The following SPATA21 variants were observed in gnomAD, a reference collection of about 807,000 sequenced individuals.
SPATA21 encodes the protein spermatogenesis-associated protein 21.
In SPATA21, 47 loss-of-function variants were observed where a neutral mutation model predicts 54.8. The ratio of observed to expected loss-of-function variants is 0.86; its 90% CI spans 0.68 to 1.09. SPATA21 has a LOEUF of 1.09. Among genes scored for constraint, SPATA21 ranks in the 50% least tolerant of loss-of-function variants. SPATA21 has a pLI of 0.00. For missense variants in SPATA21, 599 were observed against 596.4 expected, an observed-to-expected ratio of 1.00 and a Z score of -0.05; for synonymous variants, 245 against 235.3, an observed-to-expected ratio of 1.04 and a Z score of -0.38.
intron 3 of SPATA21, chr1:16,425,479 G>A (rs965506889): frequency 5.2e-6 from 8 of 1,536,692 alleles, no homozygotes; most frequent in Non-Finnish European, 7.0e-6. Context: ...CACCTCCTCT[G>A]TGGTAGGTCA....
intron 3 of SPATA21, chr1:16,425,181 G>T: frequency 2.1e-6 from 1 of 483,006 alleles, no homozygotes. Context: ...GAAGTGCTGG[G>T]ATTAACAGGC....
chr1:16,418,573 T>C (rs1488210451), intron 5 of SPATA21, among the ~76,000 whole-genome samples: 2 of 148,832 alleles, frequency 1.3e-5, no homozygotes, highest in African/African-American at 2.5e-5. Flanking sequence ...TACCCTCTCT[T>C]TTTTTTTTTT....
In SPATA21 at chr1:16,400,792, G is replaced by GC. The variant is rs2085421441; in HGVS notation, c.1101dup (p.Gln368AlafsTer51). On this transcript the variant is annotated frameshift_variant, in exon 11 of 13. Coordinates refer to ENST00000335496, the MANE Select transcript of SPATA21 (RefSeq NM_198546.1). LOFTEE classifies it high-confidence loss of function. ...TCTGGAACTTCTGAGCTCTCTTCTT[G>GC]CTGGGGGTTGTAGGGAAGCTTCTGC... 1.9e-6 allele frequency: 3 copies of GC among 1,612,402 alleles called. No homozygotes were observed. The East Asian group carries it at 6.7e-5, about 36-fold the overall frequency.
chr1:16,424,661 A>G (rs1285089056), intron 3 of SPATA21, among the ~76,000 whole-genome samples: 5 of 151,438 alleles, frequency 3.3e-5, no homozygotes, highest in African/African-American at 1.2e-4. Flanking sequence ...CAATCCTCCC[A>G]CCTCAGCCTC....
At chr1:16,415,550 C>CTAT (rs199579596) in intron 5 of SPATA21, among the ~76,000 whole-genome samples, 1,542 of 151,864 alleles carry the variant, frequency 0.01, 18 homozygotes, top group African/African-American at 0.033. Context: ...AGAATGTCTC[C>CTAT]TATTATTATT....
intron 1 of SPATA21, 139 bp from the exon 2 acceptor site, chr1:16,433,063 C>T (rs2086499176): frequency 6.6e-6 from 1 of 152,262 alleles, no homozygotes; most frequent in Admixed American, 6.5e-5. Context: ...ATTTTGCCTA[C>T]AAAGAAGCTT....
intron 10 of SPATA21, among the ~76,000 whole-genome samples, chr1:16,403,483 C>CTTTTCTTTTTT (rs2085517568): frequency 8.5e-6 from 1 of 117,118 alleles, no homozygotes; most frequent in Non-Finnish European, 1.9e-5. Context: ...TAGTTTTTTT[C>CTTTTCTTTTTT]TTTTTTTTCT....
At position 16,420,938 on chromosome 1, in the gene SPATA21, A is replaced by G. The variant is rs939302970; in HGVS notation, c.144+571T>C. On this transcript the variant is annotated intron_variant, in intron 5 of 12. Transcript: ENST00000335496. ...CATCAATAAGACAGGATGTTCTCCA[A>G]CCGCATTAAGCTGCTCAACATGGGT... is the stretch of plus-strand genomic sequence containing the variant. Among the ~76,000 whole-genome samples the G allele has an allele frequency of 2.6e-5, 4 of 152,196 alleles. No individual in the cohort carries two copies. The East Asian group carries it at 5.8e-4, about 22-fold the overall frequency.
chr1:16,408,453 A>G, intron 7 of SPATA21: 1 of 985,444 alleles, frequency 1.0e-6, no homozygotes, highest in Non-Finnish European at 1.2e-6. Context: ...GAAGAGGACC[A>G]ATAGAGCAGG....
At chr1:16,397,880 A>T (rs948626911), downstream of SPATA21, 1 of 408,232 alleles carries the variant, frequency 2.4e-6, no homozygotes, top group South Asian at 1.0e-4. The surrounding 1 kb of genome is among the most constrained non-coding windows in gnomAD (Gnocchi z 5.4). Context: ...ATGGGCTGGC[A>T]GGGCTGTACC....
At chr1:16,414,111 G>A (rs1353562846) in intron 5 of SPATA21, among the ~76,000 whole-genome samples, 1 of 151,924 alleles carries the variant, frequency 6.6e-6, no homozygotes, top group Non-Finnish European at 1.5e-5. Flanking sequence ...TGTTGCCCAG[G>A]CTGGAGTGCA....
upstream of SPATA21, among the ~76,000 whole-genome samples, chr1:16,437,718 G>GTGC (rs2086615685): frequency 6.6e-6 from 1 of 152,144 alleles, no homozygotes; most frequent in South Asian, 2.1e-4. Context: ...CATAGGGTAT[G>GTGC]TGCTCGATGC....
rs2085430918 is a variant in SPATA21 at position 16,401,001 on chromosome 1, A to C, written c.1002-109T>G. On this transcript the variant is annotated intron_variant, in intron 10 of 12. Transcript: ENST00000335496. ...TCTGGAGCAGGAACACAAGCCTAGGAGTCAGGAAACCTGGCTTCTAGTCTC... is the reference window on the plus strand; with the variant it reads ...TCTGGAGCAGGAACACAAGCCTAGGCGTCAGGAAACCTGGCTTCTAGTCTC... 4 of 1,364,574 alleles carry C rather than the reference A, an allele frequency of 2.9e-6. No individual in the cohort carries two copies. The Admixed American group carries it at 7.1e-5, about 24-fold the overall frequency. 84.5% of individuals were successfully genotyped at this position (1,364,574 alleles called of 1,614,324 possible).
At chr1:16,402,853 G>A (rs536296918) in intron 10 of SPATA21, among the ~76,000 whole-genome samples, 30 of 152,330 alleles carry the variant, frequency 2.0e-4, no homozygotes, top group African/African-American at 7.0e-4. Flanking sequence ...TTGAGCCCAG[G>A]AGGTCAAGGC....
intron 8 of SPATA21, 97 bp downstream of exon 8, chr1:16,404,870 G>T: frequency 7.5e-7 from 1 of 1,335,768 alleles, no homozygotes; most frequent in Non-Finnish European, 9.9e-7. Context: ...ACCAAGCACA[G>T]GATCCTTTAG....
At chr1:16,398,451 G>C (rs187782711), downstream of SPATA21, among the ~76,000 whole-genome samples, 1 of 152,178 alleles carries the variant, frequency 6.6e-6, no homozygotes, top group Admixed American at 6.5e-5. Flanking sequence ...GTCCAGAGGG[G>C]GATGTGCTCA....
At chr1:16,414,039 C>T (rs534045542) in intron 5 of SPATA21, among the ~76,000 whole-genome samples, 10 of 151,942 alleles carry the variant, frequency 6.6e-5, no homozygotes, top group Non-Finnish European at 1.2e-4. Flanking sequence ...TTATAGCAGT[C>T]GTCCTGATGA....
In SPATA21 at chr1:16,409,804, A is replaced by AG; in HGVS notation, c.383dup (p.Gln129SerfsTer103). The AG allele has an allele frequency of 6.3e-7, 1 of 1,599,686 alleles. No homozygotes were observed. The highest frequency in any genetic ancestry group is 1.3e-5 in the African/African-American group (1 of 74,584). On this transcript the variant is annotated frameshift_variant, in exon 6 of 13. Transcript: ENST00000335496. LOFTEE classifies it high-confidence loss of function. The surrounding 1 kb of genome is among the most constrained non-coding windows in gnomAD (Gnocchi z 4.1). ...TGGCAGGGACCGAGGCAGGGGTCTG[A>AG]GGCAGGCTTGGAGCTGAGGTGGGCA...
At chr1:16,434,108 A>G (rs1039738618) in intron 1 of SPATA21, among the ~76,000 whole-genome samples, 20 of 152,110 alleles carry the variant, frequency 1.3e-4, no homozygotes, top group Non-Finnish European at 2.8e-4. Flanking sequence ...CATACAATAT[A>G]TGGTCCTTGG....
Sources: allele counts gnomAD v4.1 joint callset (sites outside exome capture counted in the v4.1 genomes callset), GRCh38; gene constraint gnomAD v4.1.1; non-coding constraint Gnocchi (gnomAD v3.1); transcripts MANE v1.5; gene names NCBI Gene and HGNC (gene_info 2026-07-23, HGNC 2026-07-21).